BRWD1: variants seen among roughly 807,000 people sequenced by gnomAD.
The protein encoded by BRWD1 is bromodomain and WD repeat domain containing 1.
BRWD1 carries 82 observed loss-of-function variants against 251.2 expected under a neutral mutation model. That is an observed-to-expected ratio of 0.33 (90% CI 0.27 to 0.39). The LOEUF (loss-of-function observed/expected upper bound fraction) is 0.39, where lower values mean the gene tolerates loss of function less well. Ranked by LOEUF, BRWD1 falls within the 10% of genes least tolerant of loss-of-function variation. The pLI, the probability that BRWD1 is intolerant of heterozygous loss-of-function variation, is 1.00. For missense variants in BRWD1, 2,233 were observed against 2,711.6 expected, an observed-to-expected ratio of 0.82 and a Z score of 3.92; for synonymous variants, 918 against 902.8, an observed-to-expected ratio of 1.02 and a Z score of -0.30.
At chr21:39,229,277 A>C in intron 26 of BRWD1, 35 bp downstream of exon 26, 2 of 1,530,686 alleles carry the variant, frequency 1.3e-6, no homozygotes, top group Non-Finnish European at 1.8e-6. Context: ...GCAAATTTAA[A>C]TTTAAGTAAT....
chr21:39,317,372 A>C (rs1439086523), upstream of BRWD1, among the ~76,000 whole-genome samples: 2 of 152,244 alleles, frequency 1.3e-5, no homozygotes, highest in Admixed American at 6.5e-5. Flanking sequence ...ACATTAAGCT[A>C]TAGGGTTGCA....
intron 29 of BRWD1, among the ~76,000 whole-genome samples, chr21:39,221,673 C>T (rs184723198): frequency 1.5e-3 from 228 of 152,254 alleles, no homozygotes; most frequent in African/African-American, 5.2e-3. Flanking sequence ...CCGTGGCTCA[C>T]GCCTGTAATC....
chr21:39,239,747 A>G (rs1231400410), intron 21 of BRWD1, among the ~76,000 whole-genome samples: 1 of 152,234 alleles, frequency 6.6e-6, no homozygotes, highest in Admixed American at 6.5e-5. Flanking sequence ...ATGATGCTGG[A>G]AAGAATTTTT....
chr21:39,200,284 C>A lies in BRWD1; in HGVS notation c.4688G>T (p.Arg1563Leu), dbSNP rs751823983. The A allele has an allele frequency of 1.9e-6, 3 of 1,614,070 alleles. No individual in the cohort carries two copies. The highest frequency in any genetic ancestry group is 1.1e-5 in the South Asian group (1 of 91,072). The change falls in exon 39 of 41, where the codon CGC becomes CTC. Residue 1563 changes from arginine to leucine, a missense_variant. Around this residue, in one of 12 missense-constraint regions of BRWD1, gnomAD observed 928 missense variants for 970.0 expected, o/e 0.96. Transcript: ENST00000342449. ...ESSRARESSS[R>L]SGLSRSSNLR... is the part of the protein sequence containing the mutation. Reference sequence around the variant, plus strand: ...ATTGCTGCTTCTGGATAGCCCACTGCGTGAGGAGGATTCACGAGCTCTGGA... The same window carrying A: ...ATTGCTGCTTCTGGATAGCCCACTGAGTGAGGAGGATTCACGAGCTCTGGA...
chr21:39,233,739 G>T (rs191666027), intron 23 of BRWD1, among the ~76,000 whole-genome samples: 1 of 152,350 alleles, frequency 6.6e-6, no homozygotes, highest in African/African-American at 2.4e-5. Flanking sequence ...AAGTAGCTTG[G>T]CCGGGCGCCA....
chr21:39,200,041 C>T (rs925376380), intron 39 of BRWD1, among the ~76,000 whole-genome samples, 178 bp downstream of exon 39: 2 of 152,254 alleles, frequency 1.3e-5, no homozygotes, highest in African/African-American at 4.8e-5. Flanking sequence ...GCGTGAGCCA[C>T]CGCACCCAGC....
At chr21:39,287,952 A>G (rs1341293634) in intron 8 of BRWD1, among the ~76,000 whole-genome samples, 2 of 152,208 alleles carry the variant, frequency 1.3e-5, no homozygotes, top group East Asian at 3.8e-4. Flanking sequence ...ACAACAATAA[A>G]TATTCATTAT....
chr21:39,260,763 G>A (rs2034716429), intron 17 of BRWD1, among the ~76,000 whole-genome samples: 1 of 152,170 alleles, frequency 6.6e-6, no homozygotes, highest in South Asian at 2.1e-4. Context: ...GAACAAAAGA[G>A]AGAACCCAAA....
At position 39,212,775 on chromosome 21, in the gene BRWD1, AAATAACATATCAAAGACATTTGG is replaced by A; in HGVS notation, c.3859-91_3859-69del. On this transcript the variant is annotated intron_variant, in intron 33 of 40. Coordinates refer to ENST00000342449, the MANE Select transcript of BRWD1 (RefSeq NM_033656.4). ...TAGAAAATAATAACATAATCTTAATAAATAACATATCAAAGACATTTGGTATTACCAGAGTTATAACATGTTAT... is the reference window on the plus strand; with the variant it reads ...TAGAAAATAATAACATAATCTTAATATATTACCAGAGTTATAACATGTTAT... The A allele has an allele frequency of 1.6e-5, 18 of 1,123,846 alleles. No individual in the cohort carries two copies. In the Admixed American group the frequency reaches 3.8e-4, roughly 24 times the overall value. The allele number at this position is 1,123,846 out of a possible 1,614,324, so 69.6% of individuals were successfully genotyped here. A position where few individuals can be genotyped will look rare whatever the true frequency, so the allele number is the denominator to read the frequency against.
At chr21:39,209,915 C>G in intron 36 of BRWD1, 80 bp downstream of exon 36, 1 of 1,401,844 alleles carries the variant, frequency 7.1e-7, no homozygotes, top group Non-Finnish European at 9.7e-7. Flanking sequence ...GAAAATTACA[C>G]TGGAAAAAAT....
intron 36 of BRWD1, among the ~76,000 whole-genome samples, chr21:39,208,155 G>A (rs1463837119): frequency 2.6e-5 from 4 of 152,168 alleles, no homozygotes. Flanking sequence ...TTGAACAACT[G>A]ACAATGTACT....
Position 39,193,437 on chromosome 21 carries a change from G to A in BRWD1, c.*2822C>T. 2.0e-6 allele frequency: 2 copies of A among 984,706 alleles called. No individual in the cohort carries two copies. Among genetic ancestry groups the A allele is most frequent in the Non-Finnish European group, 2.4e-6 (2 of 829,388 alleles). 61.0% of individuals were successfully genotyped at this position (984,706 alleles called of 1,614,324 possible). A position where few individuals can be genotyped will look rare whatever the true frequency, so the allele number is the denominator to read the frequency against. ...AATAAGGAGGACACGAAAAAAGAAA[G>A]CTTTGTTAACACTCATCTATCTTGT... On this transcript the variant is annotated 3_prime_UTR_variant, in exon 41 of 41. Transcript: ENST00000342449.
intron 39 of BRWD1, 100 bp from the exon 40 acceptor site, chr21:39,199,762 G>A (rs913644393): frequency 1.0e-4 from 126 of 1,207,120 alleles, no homozygotes; most frequent in Non-Finnish European, 1.3e-4. Flanking sequence ...TTTGGGGGGC[G>A]GGGAGGAGAC....
chr21:39,236,967 A>T (rs533265467), intron 22 of BRWD1, among the ~76,000 whole-genome samples, 183 bp from the exon 23 acceptor site: 1 of 152,308 alleles, frequency 6.6e-6, no homozygotes, highest in Admixed American at 6.5e-5. Context: ...GATCATGACA[A>T]ACATAAGAGA....
rs893088874 is a variant in BRWD1, at chr21:39,189,002, T to A, written c.*7257A>T. The A allele has an allele frequency of 1.0e-6, 1 of 985,268 alleles. No individual in the cohort carries two copies. The highest frequency in any genetic ancestry group is 1.2e-6 in the Non-Finnish European group (1 of 829,926). The allele number at this position is 985,268 out of a possible 1,614,324, so 61.0% of individuals were successfully genotyped here. On this transcript the variant is annotated 3_prime_UTR_variant, in exon 41 of 41. Coordinates refer to ENST00000342449, the MANE Select transcript of BRWD1 (RefSeq NM_033656.4). ...AAGAGAAGTGGCTTAAAGTGCACTG[T>A]GTTTACCACTTCAAAGACACTTCTC...
chr21:39,298,486 T>C lies in BRWD1; in HGVS notation c.295A>G (p.Arg99Gly). The C allele has an allele frequency of 6.2e-7, 1 of 1,610,538 alleles. No individual in the cohort carries two copies. The highest frequency in any genetic ancestry group is 1.1e-5 in the South Asian group (1 of 90,390). ...LDKEIPPSIS[R>G]VTSLLGAGRQ... The stretch of plus-strand genomic sequence containing the variant: ...CCTGCACCAAGTAAAGAAGTGACTC[T>C]TGAAATACTGGGTGGAATTTCTTTA... The change falls in exon 5 of 41, where the codon AGA becomes GGA. Residue 99 changes from arginine (R) to glycine (G), a missense_variant. By Grantham distance (125) the Arg-to-Gly change is moderately radical (BLOSUM62 -2). This residue lies in a region of BRWD1 where 185 missense variants were observed against 260.6 expected (regional missense o/e 0.71). Transcript: ENST00000342449.
intron 21 of BRWD1, among the ~76,000 whole-genome samples, chr21:39,245,900 C>G (rs1304088704): frequency 6.6e-6 from 1 of 152,088 alleles, no homozygotes; most frequent in Non-Finnish European, 1.5e-5. Context: ...CCGTGCCCGG[C>G]CTATTAAATA....
intron 27 of BRWD1, among the ~76,000 whole-genome samples, chr21:39,226,631 T>C (rs773423287): frequency 2.6e-5 from 4 of 152,214 alleles, no homozygotes; most frequent in South Asian, 2.1e-4. Context: ...TGTTGCTTCA[T>C]GTTATTTTTG....
In BRWD1 at chr21:39,199,232, T is replaced by G. The variant is rs773375994; in HGVS notation, c.5184A>C (p.Val1728=). The G allele has an allele frequency of 9.3e-6, 15 of 1,614,208 alleles. 1 individual carries two copies. The Admixed American group carries it at 2.3e-4, about 25-fold the overall frequency. ...CATTAGCATGCCAATTTTTCCGGGCTACCCGCAAATCACTTTCTGACTCTG... is the reference window on the plus strand; with the variant it reads ...CATTAGCATGCCAATTTTTCCGGGCGACCCGCAAATCACTTTCTGACTCTG... ...RDSESESDLR[V]ARKNWHANGY... The change falls in exon 40 of 41, where the codon GTA becomes GTC. Residue 1728 remains valine (V), a synonymous_variant. Coordinates refer to ENST00000342449, the MANE Select transcript of BRWD1 (RefSeq NM_033656.4).
Sources: gnomAD v4.1 joint callset for allele counts (sites outside exome capture counted in the v4.1 genomes callset) on GRCh38, gnomAD v4.1.1 for gene constraint, gnomAD v4.1.1 regional missense constraint, MANE v1.5 for transcripts, NCBI Gene and HGNC (gene_info 2026-07-23, HGNC 2026-07-21) for gene names.